ABCC1: variants seen among roughly 807,000 people sequenced by gnomAD.
ABCC1 encodes the protein multidrug resistance-associated protein 1.
In ABCC1, 83 loss-of-function variants were observed where a neutral mutation model predicts 172.9. The observed-to-expected ratio is 0.48, with a 90% CI of 0.40 to 0.58. The LOEUF is 0.58. ABCC1 is among the 20% of genes least tolerant of loss of function. The pLI is 0.00. For synonymous variants in ABCC1, 937 were observed against 825.2 expected (o/e 1.14, Z -2.32); for missense variants, 1,817 against 2,002.7 (o/e 0.91, Z 1.77).
intron 16 of ABCC1, among the ~76,000 whole-genome samples, chr16:16,082,622 T>C (rs994274504): frequency 6.6e-6 from 1 of 152,198 alleles, no homozygotes; most frequent in Non-Finnish European, 1.5e-5. Flanking sequence ...CAAAGATCCT[T>C]CCCGGATGTC....
At chr16:16,056,809 T>A (rs1220782303) in intron 12 of ABCC1, among the ~76,000 whole-genome samples, 5 of 148,792 alleles carry the variant, frequency 3.4e-5, no homozygotes, top group African/African-American at 1.2e-4. Context: ...GTTCGTTATC[T>A]ATTTACTGTG....
chr16:16,051,401 A>G (rs2049423511), intron 10 of ABCC1, among the ~76,000 whole-genome samples: 1 of 151,782 alleles, frequency 6.6e-6, no homozygotes, highest in Admixed American at 6.6e-5. Context: ...TCGAACTTCT[A>G]CCCTCAAGCT....
At chr16:15,955,130 C>G (rs748423894) in intron 1 of ABCC1, among the ~76,000 whole-genome samples, 1 of 152,082 alleles carries the variant, frequency 6.6e-6, no homozygotes, top group African/African-American at 2.4e-5. Flanking sequence ...CCAAGGCAGA[C>G]GGATCATTTG....
intron 19 of ABCC1, among the ~76,000 whole-genome samples, chr16:16,099,189 T>C (rs2051616404): frequency 6.6e-6 from 1 of 152,290 alleles, no homozygotes; most frequent in African/African-American, 2.4e-5. Context: ...CAGCATGCCT[T>C]GAGGGGACCA....
At position 16,136,907 on chromosome 16, in the gene ABCC1, T is replaced by A. The variant is rs183268881; in HGVS notation, c.4292+263T>A. Among the ~76,000 whole-genome samples the A allele has an allele frequency of 4.1e-3, 625 of 152,270 alleles. 2 individuals are homozygous for A. The highest frequency in any genetic ancestry group is 5.5e-3 in the Non-Finnish European group (374 of 68,010). ...AGCTCCATTCAGTTGATAGTGGCTG[T>A]CAGTTGTTAAGCTATGGAAAGTCTT... On this transcript the variant is annotated intron_variant, in intron 29 of 30. Transcript: ENST00000399410.
intron 12 of ABCC1, among the ~76,000 whole-genome samples, chr16:16,058,876 G>A (rs777029435): frequency 5.3e-5 from 8 of 151,386 alleles, no homozygotes; most frequent in South Asian, 2.1e-4. Flanking sequence ...GGCTGGTCTC[G>A]AACTCCTGAC....
At chr16:15,966,258 C>A (rs924126186) in intron 1 of ABCC1, among the ~76,000 whole-genome samples, 7 of 149,974 alleles carry the variant, frequency 4.7e-5, no homozygotes, top group African/African-American at 1.8e-4. Flanking sequence ...ACTAAAAATA[C>A]AAAAATTAGC....
intron 1 of ABCC1, among the ~76,000 whole-genome samples, chr16:15,985,823 C>T (rs1349313963): frequency 6.6e-6 from 1 of 152,018 alleles, no homozygotes; most frequent in Non-Finnish European, 1.5e-5. Flanking sequence ...TCTCGGGAGT[C>T]AGAGGTCCAA....
chr16:16,006,948 A>G (rs1291769654), intron 1 of ABCC1, among the ~76,000 whole-genome samples: 1 of 151,342 alleles, frequency 6.6e-6, no homozygotes, highest in African/African-American at 2.4e-5. Context: ...GTTGGCAGTG[A>G]TATTGGTGGT....
intron 20 of ABCC1, among the ~76,000 whole-genome samples, chr16:16,104,663 C>G (rs111880843): frequency 5.9e-5 from 9 of 152,208 alleles, no homozygotes; most frequent in African/African-American, 2.2e-4. Context: ...CCGTGCCGTG[C>G]GCCCTCACTC....
chr16:16,048,846 G>A (rs559875134), intron 10 of ABCC1, among the ~76,000 whole-genome samples: 2 of 152,286 alleles, frequency 1.3e-5, no homozygotes, highest in South Asian at 4.1e-4. Flanking sequence ...AGCTGGGCGT[G>A]GTGGTGTATG....
chr16:16,053,585 C>A (rs1260482088), intron 11 of ABCC1, among the ~76,000 whole-genome samples: 1 of 151,698 alleles, frequency 6.6e-6, no homozygotes, highest in Non-Finnish European at 1.5e-5. Context: ...CTTAGGAGTT[C>A]AAGACCAGCC....
intron 19 of ABCC1, 108 bp downstream of exon 19, chr16:16,090,696 G>C: frequency 1.6e-6 from 2 of 1,260,958 alleles, no homozygotes; most frequent in African/African-American, 1.5e-5. Flanking sequence ...CGGCTCCTCA[G>C]GGCATGAGGG....
Position 16,071,511 on chromosome 16 carries a change from G to A in ABCC1, c.1825-131G>A, listed in dbSNP as rs45472894. ...AAAGTATACACTGGTTCTAAGAAAT[G>A]TGGGACCTTCAGAAATAAGGGAGGG... On this transcript the variant is annotated intron_variant, in intron 13 of 30. Coordinates refer to ENST00000399410, the MANE Select transcript of ABCC1 (RefSeq NM_004996.4). 4.6e-3 allele frequency: 3,039 copies of A among 664,982 alleles called. 69 individuals are homozygous for A. The African/African-American group carries it at 0.046, about 10-fold the overall frequency. The allele number at this position is 664,982 out of a possible 1,614,324, so 41.2% of individuals were successfully genotyped here.
intron 26 of ABCC1, among the ~76,000 whole-genome samples, chr16:16,129,459 G>T (rs1304781086): frequency 6.6e-6 from 1 of 151,984 alleles, no homozygotes; most frequent in Non-Finnish European, 1.5e-5. Context: ...GACGATCCTG[G>T]GCAACATGGT....
chr16:16,128,366 G>A (rs2045531760), intron 26 of ABCC1, among the ~76,000 whole-genome samples: 1 of 151,722 alleles, frequency 6.6e-6, no homozygotes, highest in South Asian at 2.1e-4. Flanking sequence ...GGCCCGGCTG[G>A]TCTCGAACTC....
At chr16:15,992,465 T>C (rs1210179146) in intron 1 of ABCC1, among the ~76,000 whole-genome samples, 1 of 151,904 alleles carries the variant, frequency 6.6e-6, no homozygotes, top group Non-Finnish European at 1.5e-5. Context: ...AGTGGCACAA[T>C]CTCGGCTCAC....
intron 10 of ABCC1, among the ~76,000 whole-genome samples, chr16:16,051,393 G>C (rs893044804): frequency 6.6e-6 from 1 of 151,866 alleles, no homozygotes; most frequent in Non-Finnish European, 1.5e-5. Flanking sequence ...GGCTGGTCTC[G>C]AACTTCTACC....
intron 24 of ABCC1, 104 bp from the exon 25 acceptor site, chr16:16,124,685 T>C: frequency 6.6e-7 from 1 of 1,511,038 alleles, no homozygotes; most frequent in East Asian, 2.3e-5. Flanking sequence ...ACTGCGGAGT[T>C]ACTTGAGTTA....
Sources: gnomAD v4.1 joint callset for allele counts (sites outside exome capture counted in the v4.1 genomes callset) on GRCh38, gnomAD v4.1.1 for gene constraint, MANE v1.5 for transcripts, NCBI Gene and HGNC (gene_info 2026-07-23, HGNC 2026-07-21) for gene names.